SLC4A4: variants seen among roughly 807,000 people sequenced by gnomAD.
The protein encoded by SLC4A4 is electrogenic sodium bicarbonate cotransporter 1.
A neutral mutation model predicts 111.5 loss-of-function variants in SLC4A4; 27 were observed. The observed-to-expected ratio is 0.24, with a 90% CI of 0.18 to 0.33. The LOEUF (loss-of-function observed/expected upper bound fraction) is 0.33. SLC4A4 is among the 10% of genes least tolerant of loss of function. SLC4A4 has a pLI of 1.00. For missense variants in SLC4A4, 909 were observed against 1,315.5 expected, an observed-to-expected ratio of 0.69 and a Z score of 4.78; for synonymous variants, 443 against 463.4, an observed-to-expected ratio of 0.96 and a Z score of 0.57.
intron 7 of SLC4A4, among the ~76,000 whole-genome samples, chr4:71,430,774 T>C (rs1467119878): frequency 6.6e-6 from 1 of 152,132 alleles, no homozygotes; most frequent in Non-Finnish European, 1.5e-5. Context: ...TCCTGTGCCC[T>C]TTCAACACGA....
chr4:71,116,061 A>G (rs938635201), intron 2 of SLC4A4, among the ~76,000 whole-genome samples: 1 of 152,018 alleles, frequency 6.6e-6, no homozygotes, highest in African/African-American at 2.4e-5. Flanking sequence ...CGCCTGGCTA[A>G]TTTTTGTATT....
intron 2 of SLC4A4, among the ~76,000 whole-genome samples, chr4:71,112,709 T>C (rs1743122455): frequency 6.6e-6 from 1 of 152,194 alleles, no homozygotes; most frequent in Non-Finnish European, 1.5e-5. Flanking sequence ...TACTTGGTCA[T>C]TCTGTTTCAG....
At chr4:71,213,565 G>A (rs1718256397) in intron 1 of SLC4A4, among the ~76,000 whole-genome samples, 1 of 152,148 alleles carries the variant, frequency 6.6e-6, no homozygotes, top group Admixed American at 6.6e-5. Flanking sequence ...GCACCTTGAT[G>A]TATATTGATA....
At chr4:71,467,710 G>C (rs1727503907) in intron 13 of SLC4A4, among the ~76,000 whole-genome samples, 1 of 152,034 alleles carries the variant, frequency 6.6e-6, no homozygotes, top group Non-Finnish European at 1.5e-5. Context: ...GGGGAAACGT[G>C]AGTTTCCCCA....
chr4:71,114,292 A>G (rs111680002), intron 2 of SLC4A4, among the ~76,000 whole-genome samples: 5,245 of 152,116 alleles, frequency 0.034, 301 homozygotes, highest in African/African-American at 0.12. Flanking sequence ...CTTCATGTCT[A>G]AAACACCAAA....
chr4:71,357,220 C>G, intron 6 of SLC4A4, 33 bp downstream of exon 6: 2 of 1,602,828 alleles, frequency 1.2e-6, no homozygotes, highest in Non-Finnish European at 1.7e-6. Flanking sequence ...GCTGCTTTCT[C>G]TTACTTATTT....
At chr4:71,210,787 C>G (rs1351565061) in intron 1 of SLC4A4, among the ~76,000 whole-genome samples, 1 of 152,228 alleles carries the variant, frequency 6.6e-6, no homozygotes, top group East Asian at 1.9e-4. Flanking sequence ...AGTCTGTAAT[C>G]TCCTGAATGA....
intron 4 of SLC4A4, among the ~76,000 whole-genome samples, chr4:71,342,821 T>A (rs1030074509): frequency 1.3e-5 from 2 of 152,190 alleles, no homozygotes; most frequent in Non-Finnish European, 2.9e-5. Context: ...ATTAAGATGG[T>A]TTTGAATACT....
At chr4:71,548,326 G>A (rs1045625378) in intron 20 of SLC4A4, among the ~76,000 whole-genome samples, 1 of 151,770 alleles carries the variant, frequency 6.6e-6, no homozygotes, top group African/African-American at 2.4e-5. Context: ...ATATGATATT[G>A]GTTGTTTAGA....
intron 15 of SLC4A4, among the ~76,000 whole-genome samples, chr4:71,488,876 T>C (rs1226765605): frequency 3.0e-5 from 4 of 135,244 alleles, no homozygotes; most frequent in African/African-American, 5.7e-5. Flanking sequence ...GGGAAAGAAG[T>C]TAGAAGAAAA....
At chr4:71,484,334 T>C (rs1386810292) in intron 14 of SLC4A4, among the ~76,000 whole-genome samples, 1 of 151,934 alleles carries the variant, frequency 6.6e-6, no homozygotes, top group Non-Finnish European at 1.5e-5. Context: ...TTAATCCATC[T>C]TGAGTTAATT....
intron 2 of SLC4A4, among the ~76,000 whole-genome samples, chr4:71,125,937 A>G (rs1366134155): frequency 1.3e-5 from 2 of 152,224 alleles, no homozygotes; most frequent in African/African-American, 4.8e-5. Context: ...AAAAAGTAGC[A>G]ATATTCTTAT....
At chr4:71,297,837 C>T (rs1724931450) in intron 3 of SLC4A4, among the ~76,000 whole-genome samples, 1 of 152,150 alleles carries the variant, frequency 6.6e-6, no homozygotes, top group African/African-American at 2.4e-5. Flanking sequence ...ATCCGCCTGC[C>T]TCAGCCTCCC....
chr4:71,234,690 A>G (rs1285775389), intron 1 of SLC4A4, among the ~76,000 whole-genome samples: 1 of 152,100 alleles, frequency 6.6e-6, no homozygotes, highest in East Asian at 1.9e-4. Flanking sequence ...CTGCCGAGGG[A>G]TTACAGGTGC....
rs1267564053 is a variant in SLC4A4, at chr4:71,541,850, A to C, written c.2443-4500A>C. On this transcript the variant is annotated intron_variant, in intron 18 of 25. Transcript: ENST00000264485. ...GCAGTGGGGAGGAGGAGTACAGAAC[A>C]GATAAAAAGTTTCATATGTTATTTT... Among the ~76,000 whole-genome samples, 3 of 152,238 alleles carry C rather than the reference A, an allele frequency of 2.0e-5. No homozygotes were observed. The East Asian group carries it at 5.8e-4, about 30-fold the overall frequency.
intron 3 of SLC4A4, among the ~76,000 whole-genome samples, chr4:71,335,438 A>G (rs1728354314): frequency 6.6e-6 from 1 of 152,128 alleles, no homozygotes; most frequent in South Asian, 2.1e-4. Context: ...GATTGCCTAA[A>G]ATAGTTAGAC....
intron 2 of SLC4A4, among the ~76,000 whole-genome samples, chr4:71,149,321 A>T (rs1744256632): frequency 6.6e-6 from 1 of 152,178 alleles, no homozygotes; most frequent in Admixed American, 6.5e-5. Context: ...AAAAATTATA[A>T]GAAGATTCTT....
At chr4:71,390,110 TA>T (rs1260537745) in intron 6 of SLC4A4, among the ~76,000 whole-genome samples, 5 of 152,158 alleles carry the variant, frequency 3.3e-5, no homozygotes, top group African/African-American at 1.2e-4. Flanking sequence ...TATTTTATTT[TA>T]TTTTTTTTCA....
chr4:71,388,223 A>C (rs1395805249), intron 6 of SLC4A4, among the ~76,000 whole-genome samples: 1 of 152,072 alleles, frequency 6.6e-6, no homozygotes, highest in Non-Finnish European at 1.5e-5. Context: ...GGAGGGAATA[A>C]TATTTTCTTC....
Sources: allele counts gnomAD v4.1 joint callset (sites outside exome capture counted in the v4.1 genomes callset), GRCh38; gene constraint gnomAD v4.1.1; transcripts MANE v1.5; gene names NCBI Gene and HGNC (gene_info 2026-07-23, HGNC 2026-07-21).